RNGTT: variants seen among roughly 807,000 people sequenced by gnomAD.
RNGTT encodes the protein RNA guanylyltransferase and 5'-phosphatase.
RNGTT carries 33 observed loss-of-function variants against 79.3 expected under a neutral mutation model. The observed-to-expected ratio is 0.42, with a 90% confidence interval of 0.32 to 0.56. RNGTT has a LOEUF of 0.56. Ranked by LOEUF, RNGTT falls within the 20% of genes least tolerant of loss-of-function variation. The probability of loss-of-function intolerance (pLI) is 0.17; values close to 1 mark genes in which losing one functional copy is unlikely to be tolerated. For synonymous variants in RNGTT, 222 were observed against 235.9 expected, an observed-to-expected ratio of 0.94 and a Z score of 0.54; for missense variants, 497 against 739.1, an observed-to-expected ratio of 0.67 and a Z score of 3.80.
rs751672522 is a variant in RNGTT, at chr6:88,963,458, C to T, written c.-49G>A. 6.7e-7 allele frequency: 1 copy of T among 1,498,720 alleles called. No individual in the cohort carries two copies. Among genetic ancestry groups the T allele is most frequent in the Non-Finnish European group, 8.9e-7 (1 of 1,119,452 alleles). 92.8% of individuals were successfully genotyped at this position (1,498,720 alleles called of 1,614,324 possible). ...CCTCCCTCACCAACGTTCACCGCGC[C>T]TTTGGAGCCGCCTCCCCGTGGTCCG... On this transcript the variant is annotated 5_prime_UTR_variant, in exon 1 of 16. Coordinates refer to ENST00000369485, the MANE Select transcript of RNGTT (RefSeq NM_003800.5).
chr6:88,706,993 A>C (rs1776150940), intron 13 of RNGTT, among the ~76,000 whole-genome samples: 1 of 152,210 alleles, frequency 6.6e-6, no homozygotes, highest in Non-Finnish European at 1.5e-5. Flanking sequence ...TCCTTTAAAG[A>C]GGAAGAAGGT....
chr6:88,866,097 C>G (rs993736780), intron 8 of RNGTT, among the ~76,000 whole-genome samples: 2 of 152,120 alleles, frequency 1.3e-5, no homozygotes, highest in Non-Finnish European at 2.9e-5. Flanking sequence ...ATTATCAAAG[C>G]ATATCTTTCA....
At chr6:88,637,245 CA>C (rs1395060550) in intron 14 of RNGTT, among the ~76,000 whole-genome samples, 3 of 152,052 alleles carry the variant, frequency 2.0e-5, no homozygotes, top group African/African-American at 7.2e-5. Flanking sequence ...TTCAACTAAA[CA>C]ACAAGAAAAC....
At chr6:88,686,376 T>C (rs938480399) in intron 13 of RNGTT, among the ~76,000 whole-genome samples, 3 of 152,046 alleles carry the variant, frequency 2.0e-5, no homozygotes, top group African/African-American at 7.2e-5. Flanking sequence ...ATATATTAAA[T>C]GCAATCTAAA....
At chr6:88,878,444 A>G (rs1378334760) in intron 8 of RNGTT, among the ~76,000 whole-genome samples, 2 of 152,094 alleles carry the variant, frequency 1.3e-5, no homozygotes, top group Non-Finnish European at 2.9e-5. Flanking sequence ...AATGATGCTG[A>G]TTTTGCCACT....
intron 1 of RNGTT, among the ~76,000 whole-genome samples, chr6:88,946,683 C>A (rs1165102773): frequency 6.6e-6 from 1 of 151,916 alleles, no homozygotes; most frequent in Non-Finnish European, 1.5e-5. Flanking sequence ...TCCCTCTCCC[C>A]ACGGTCTCCC....
At chr6:88,722,227 T>C (rs1776732992) in intron 13 of RNGTT, among the ~76,000 whole-genome samples, 1 of 152,014 alleles carries the variant, frequency 6.6e-6, no homozygotes, top group African/African-American at 2.4e-5. Flanking sequence ...TAGTCACTTG[T>C]ATTTTTTCAT....
At chr6:88,854,005 AC>A (rs1307832583) in intron 8 of RNGTT, among the ~76,000 whole-genome samples, 1 of 151,766 alleles carries the variant, frequency 6.6e-6, no homozygotes. Context: ...GCTCACTGCA[AC>A]CTCCGCCTCC....
chr6:88,848,896 T>C (rs1365535304), intron 10 of RNGTT, among the ~76,000 whole-genome samples: 1 of 152,060 alleles, frequency 6.6e-6, no homozygotes, highest in Admixed American at 6.6e-5. Flanking sequence ...ATTCCTTACA[T>C]TATTTTTCAG....
At chr6:88,698,284 T>A (rs1375551573) in intron 13 of RNGTT, among the ~76,000 whole-genome samples, 2 of 131,218 alleles carry the variant, frequency 1.5e-5, no homozygotes, top group East Asian at 2.1e-4. Context: ...ATATATTTCA[T>A]ATATATCATA....
At chr6:88,649,380 T>C (rs1386136769) in intron 14 of RNGTT, among the ~76,000 whole-genome samples, 2 of 152,124 alleles carry the variant, frequency 1.3e-5, no homozygotes, top group African/African-American at 4.8e-5. Flanking sequence ...AATGTAAAAG[T>C]GGCCAAAATC....
Position 88,714,944 on chromosome 6 carries a change from T to C in RNGTT, c.1440-36525A>G, listed in dbSNP as rs1313010670. On this transcript the variant is annotated intron_variant, in intron 13 of 15. Transcript: ENST00000369485. ...CCTCTCTCACCACTCCTATTCAACA[T>C]AGTGTTGAAGTTCTGGCCAGGGCAA... Among the ~76,000 whole-genome samples, 11 of 152,168 alleles carry C rather than the reference T, an allele frequency of 7.2e-5. No individual in the cohort carries two copies. In the Middle Eastern group the frequency reaches 0.01, roughly 141 times the overall value.
intron 12 of RNGTT, among the ~76,000 whole-genome samples, chr6:88,770,416 A>C (rs1249230358): frequency 2.6e-5 from 4 of 152,206 alleles, no homozygotes; most frequent in Admixed American, 1.3e-4. Context: ...AAAAATAAAA[A>C]ATAAAGAAAC....
intron 11 of RNGTT, among the ~76,000 whole-genome samples, chr6:88,843,606 T>C (rs1398121318): frequency 1.5e-5 from 2 of 134,616 alleles, no homozygotes; most frequent in East Asian, 2.3e-4. Flanking sequence ...TCGCCCAGGC[T>C]GGAGTGCAAT....
At chr6:88,757,793 T>A (rs943319613) in intron 13 of RNGTT, among the ~76,000 whole-genome samples, 1 of 152,192 alleles carries the variant, frequency 6.6e-6, no homozygotes, top group Non-Finnish European at 1.5e-5. Flanking sequence ...ACTATAAGAT[T>A]TGAAGTCACA....
chr6:88,703,923 T>C (rs1385476900), intron 13 of RNGTT, among the ~76,000 whole-genome samples: 2 of 152,088 alleles, frequency 1.3e-5, no homozygotes, highest in Admixed American at 1.3e-4. Flanking sequence ...GTGTTGTACA[T>C]AGGCAAACTT....
At chr6:88,764,606 A>G (rs926119549) in intron 13 of RNGTT, among the ~76,000 whole-genome samples, 1 of 152,164 alleles carries the variant, frequency 6.6e-6, no homozygotes, top group African/African-American at 2.4e-5. Context: ...TTATACACAT[A>G]CTTTTACATA....
intron 12 of RNGTT, among the ~76,000 whole-genome samples, chr6:88,788,658 C>A (rs2127853847): frequency 6.6e-6 from 1 of 152,236 alleles, no homozygotes; most frequent in African/African-American, 2.4e-5. Context: ...ACCTAGTAAC[C>A]TATCCCTCCA....
At chr6:88,660,549 T>TAA (rs139978224) in intron 14 of RNGTT, among the ~76,000 whole-genome samples, 30 of 144,220 alleles carry the variant, frequency 2.1e-4, no homozygotes, top group African/African-American at 8.3e-4. Flanking sequence ...GCAACAATGG[T>TAA]AAAAAAAAAG....
Sources: allele counts gnomAD v4.1 joint callset (sites outside exome capture counted in the v4.1 genomes callset), GRCh38; gene constraint gnomAD v4.1.1; transcripts MANE v1.5; gene names NCBI Gene and HGNC (gene_info 2026-07-23, HGNC 2026-07-21).